CADPS: variants seen among roughly 807,000 people sequenced by gnomAD.
The protein encoded by CADPS is calcium dependent secretion activator.
CADPS carries 57 observed loss-of-function variants against 167.3 expected under a neutral mutation model. The observed-to-expected ratio is 0.34, with a 90% CI of 0.28 to 0.42. The LOEUF (loss-of-function observed/expected upper bound fraction) is 0.42. CADPS is among the 20% of genes least tolerant of loss of function. CADPS has a pLI of 1.00. For synonymous variants in CADPS, 676 were observed against 635.3 expected, an observed-to-expected ratio of 1.06 and a Z score of -0.96; for missense variants, 1,414 against 1,738.1, an observed-to-expected ratio of 0.81 and a Z score of 3.32.
rs115113500 is a variant in CADPS at position 62,729,477 on chromosome 3, A to G, written c.888+23964T>C. Among the ~76,000 whole-genome samples, 460 of 152,008 alleles carry G rather than the reference A, an allele frequency of 3.0e-3. 14 individuals are homozygous for G. Among genetic ancestry groups the G allele is most frequent in the African/African-American group, 0.01 (426 of 41,290 alleles). ...TTGCACACCAGCCAAACTGATTTAT[A>G]AAGTGGGGTCTAAGAGCTCAGTCTT... On this transcript the variant is annotated intron_variant, in intron 3 of 29. Transcript: ENST00000383710.
chr3:62,734,922 A>G (rs1666150668), intron 3 of CADPS, among the ~76,000 whole-genome samples: 2 of 152,182 alleles, frequency 1.3e-5, no homozygotes, highest in Non-Finnish European at 2.9e-5. Context: ...ATTTGTAAAG[A>G]GTAAAATAGT....
At chr3:62,422,148 C>T (rs1286377583) in intron 28 of CADPS, among the ~76,000 whole-genome samples, 1 of 152,144 alleles carries the variant, frequency 6.6e-6, no homozygotes, top group African/African-American at 2.4e-5. Flanking sequence ...AGTGGGGAGC[C>T]TTTACAAGAA....
intron 28 of CADPS, among the ~76,000 whole-genome samples, chr3:62,410,908 C>T (rs2048835481): frequency 6.6e-6 from 1 of 152,096 alleles, no homozygotes; most frequent in Admixed American, 6.6e-5. Flanking sequence ...AGTTTGAGAC[C>T]AGCCTGAGCA....
At chr3:62,782,323 A>C (rs970323280) in intron 1 of CADPS, among the ~76,000 whole-genome samples, 1 of 152,186 alleles carries the variant, frequency 6.6e-6, no homozygotes, top group African/African-American at 2.4e-5. Context: ...ACTCATGCAC[A>C]CATCCACCCA....
In CADPS at chr3:62,444,399, ATT is replaced by A. The variant is rs2056871781; in HGVS notation, c.3669+1364_3669+1365del. Reference sequence around the variant, plus strand: ...CTGGATGTTCTATGTATGTTGTGTCATTTAATTTGCACAGCAAACCCATGACT... The same window carrying A: ...CTGGATGTTCTATGTATGTTGTGTCATAATTTGCACAGCAAACCCATGACT... On this transcript the variant is annotated intron_variant, in intron 27 of 29. Coordinates refer to ENST00000383710, the MANE Select transcript of CADPS (RefSeq NM_003716.4). Among the ~76,000 whole-genome samples, 4 of 152,318 alleles carry A rather than the reference ATT, an allele frequency of 2.6e-5. No individual in the cohort carries two copies. In the South Asian group the frequency reaches 8.3e-4, roughly 32 times the overall value.
intron 7 of CADPS, among the ~76,000 whole-genome samples, chr3:62,590,640 G>A (rs975732288): frequency 6.6e-6 from 1 of 151,836 alleles, no homozygotes; most frequent in African/African-American, 2.4e-5. Context: ...AAAAATGGGT[G>A]AAAGAAAGGA....
At chr3:62,735,919 G>A (rs933215502) in intron 3 of CADPS, among the ~76,000 whole-genome samples, 5 of 152,100 alleles carry the variant, frequency 3.3e-5, no homozygotes, top group African/African-American at 4.8e-5. Flanking sequence ...AAAGCTCTCC[G>A]GGTCTCTTAG....
intron 1 of CADPS, among the ~76,000 whole-genome samples, chr3:62,850,822 G>A (rs1031120186): frequency 2.0e-5 from 3 of 150,970 alleles, no homozygotes; most frequent in African/African-American, 4.9e-5. Context: ...CAATTCCTGG[G>A]TATCCTTGTT....
Position 62,591,368 on chromosome 3 carries a change from G to C in CADPS, c.1437+1269C>G, listed in dbSNP as rs1009197495. On this transcript the variant is annotated intron_variant, in intron 7 of 29. Transcript: ENST00000383710. The stretch of plus-strand genomic sequence containing the variant: ...TAAGATAGCAAATGAAGGGGACTGA[G>C]CTGTCAGGAAAGGACTCTCCAAGGA... 4.8e-4 allele frequency among the ~76,000 whole-genome samples: 73 copies of C among 152,336 alleles called. 1 individual carries two copies. Among genetic ancestry groups the C allele is most frequent in the African/African-American group, 1.7e-3 (71 of 41,590 alleles).
intron 6 of CADPS, among the ~76,000 whole-genome samples, chr3:62,623,228 C>T (rs2063461476): frequency 6.6e-6 from 1 of 152,114 alleles, no homozygotes; most frequent in African/African-American, 2.4e-5. Context: ...TGGCTCTCCC[C>T]AGAGCTGATC....
intron 1 of CADPS, among the ~76,000 whole-genome samples, chr3:62,840,106 T>C (rs1234062316): frequency 2.0e-5 from 3 of 152,194 alleles, no homozygotes; most frequent in Admixed American, 1.3e-4. Flanking sequence ...CTTCATAAAC[T>C]ACAAAAAAGC....
intron 18 of CADPS, among the ~76,000 whole-genome samples, chr3:62,494,943 A>G (rs1576808359): frequency 6.6e-6 from 1 of 152,074 alleles, no homozygotes; most frequent in Non-Finnish European, 1.5e-5. Context: ...GATTACAGGC[A>G]TGAGCCACCA....
chr3:62,695,300 T>C (rs1458340661), intron 3 of CADPS, among the ~76,000 whole-genome samples: 3 of 152,120 alleles, frequency 2.0e-5, no homozygotes, highest in Non-Finnish European at 4.4e-5. Context: ...AATATGCATA[T>C]GAAGGAAATA....
intron 11 of CADPS, among the ~76,000 whole-genome samples, chr3:62,537,663 G>C (rs936227658): frequency 2.0e-5 from 3 of 151,964 alleles, no homozygotes; most frequent in African/African-American, 7.2e-5. Context: ...TCAGGACACG[G>C]GAAAAATCGA....
At chr3:62,638,303 TC>T (rs982381250) in intron 6 of CADPS, among the ~76,000 whole-genome samples, 4 of 152,036 alleles carry the variant, frequency 2.6e-5, no homozygotes, top group African/African-American at 9.7e-5. Context: ...ATTTAGAATT[TC>T]CCCCTCATTC....
At chr3:62,652,321 T>A (rs2070365027) in intron 4 of CADPS, among the ~76,000 whole-genome samples, 1 of 150,614 alleles carries the variant, frequency 6.6e-6, no homozygotes. Context: ...ATAGCTTATG[T>A]CCTCTGTCCT....
chr3:62,606,761 C>T (rs946448627), intron 6 of CADPS, among the ~76,000 whole-genome samples: 6 of 152,330 alleles, frequency 3.9e-5, no homozygotes, highest in African/African-American at 1.2e-4. Context: ...AGTGGTTGAG[C>T]TTTTTCTCCT....
At chr3:62,553,164 C>A (rs2077577165) in intron 10 of CADPS, among the ~76,000 whole-genome samples, 1 of 152,140 alleles carries the variant, frequency 6.6e-6, no homozygotes, top group Admixed American at 6.5e-5. Flanking sequence ...CTTTTACTAG[C>A]CCCAAGGCCT....
At chr3:62,800,060 T>C (rs897125433) in intron 1 of CADPS, among the ~76,000 whole-genome samples, 1 of 152,162 alleles carries the variant, frequency 6.6e-6, no homozygotes, top group Non-Finnish European at 1.5e-5. Flanking sequence ...AGCTGTCACA[T>C]AGACCCACAC....
Sources: allele counts gnomAD v4.1 joint callset (sites outside exome capture counted in the v4.1 genomes callset), GRCh38; gene constraint gnomAD v4.1.1; transcripts MANE v1.5; gene names NCBI Gene and HGNC (gene_info 2026-07-23, HGNC 2026-07-21).